Variants in SMOC2 observed in about 807,000 individuals in gnomAD.
The protein encoded by SMOC2 is SPARC-related modular calcium-binding protein 2.
In SMOC2, 39 loss-of-function variants were observed where a neutral mutation model predicts 61.4. The observed-to-expected ratio is 0.64, with a 90% CI of 0.49 to 0.83. The LOEUF (loss-of-function observed/expected upper bound fraction) is 0.83, where lower values mean the gene tolerates loss of function less well. Among genes scored for constraint, SMOC2 ranks in the 40% least tolerant of loss-of-function variants. SMOC2 has a pLI of 0.00. For missense variants in SMOC2, 556 were observed against 592.9 expected (o/e 0.94, Z 0.65); for synonymous variants, 247 against 239.9 (o/e 1.03, Z -0.27).
At chr6:168,468,764 C>T (rs554581379) in intron 1 of SMOC2, among the ~76,000 whole-genome samples, 12 of 152,212 alleles carry the variant, frequency 7.9e-5, no homozygotes, top group Admixed American at 5.9e-4. Flanking sequence ...AAACTCCTGA[C>T]CCCAGATGAT....
intron 1 of SMOC2, among the ~76,000 whole-genome samples, chr6:168,459,554 CCT>C (rs1781668002): frequency 7.2e-6 from 1 of 138,174 alleles, no homozygotes. Flanking sequence ...GTGGGTGAGC[CCT>C]GGGGTGGGTG....
At chr6:168,606,004 C>A (rs987662333) in intron 8 of SMOC2, among the ~76,000 whole-genome samples, 4 of 152,132 alleles carry the variant, frequency 2.6e-5, no homozygotes, top group Non-Finnish European at 5.9e-5. Flanking sequence ...GGTCTCAATT[C>A]GGCCCCTGAG....
intron 2 of SMOC2, among the ~76,000 whole-genome samples, chr6:168,516,885 T>C (rs1583072196): frequency 6.6e-6 from 1 of 152,002 alleles, no homozygotes; most frequent in Non-Finnish European, 1.5e-5. Flanking sequence ...ACCCGGGAGG[T>C]GGAGGTTGCA....
intron 7 of SMOC2, among the ~76,000 whole-genome samples, chr6:168,550,442 G>GT (rs1784105583): frequency 6.6e-6 from 1 of 152,176 alleles, no homozygotes; most frequent in Non-Finnish European, 1.5e-5. Context: ...CTTGAGGGAA[G>GT]TGCCTGAGTC....
intron 9 of SMOC2, among the ~76,000 whole-genome samples, chr6:168,642,079 A>G (rs1464911581): frequency 6.6e-6 from 1 of 152,182 alleles, no homozygotes; most frequent in Non-Finnish European, 1.5e-5. Flanking sequence ...TCATGAGCAA[A>G]TTTCATTGGA....
intron 9 of SMOC2, among the ~76,000 whole-genome samples, chr6:168,639,075 G>T (rs1313304178): frequency 6.6e-6 from 1 of 152,192 alleles, no homozygotes; most frequent in Non-Finnish European, 1.5e-5. Context: ...CCACAGGCTT[G>T]GTTCCGACAT....
intron 8 of SMOC2, among the ~76,000 whole-genome samples, chr6:168,607,869 T>TCCAACCCTGCAACGGGAGGAGGGGGAGG (rs1440562829): frequency 1.8e-4 from 10 of 56,716 alleles, no homozygotes; most frequent in East Asian, 5.7e-4. Context: ...TGTGGGTGCT[T>TCCAACCCTGCAACGGGAGGAGGGGGAGG]GGCAGCTGCT....
chr6:168,601,692 G>A lies in SMOC2; in HGVS notation c.824+2688G>A, dbSNP rs79781995. On this transcript the variant is annotated intron_variant, in intron 8 of 12. Transcript: ENST00000356284. ...CGCTGGCAGATGCTGTTTTACACACGCCAATGAAAATCTTTAAGCTGTCAA... is the reference window on the plus strand; with the variant it reads ...CGCTGGCAGATGCTGTTTTACACACACCAATGAAAATCTTTAAGCTGTCAA... Among the ~76,000 whole-genome samples, 998 of 152,210 alleles carry A rather than the reference G, an allele frequency of 6.6e-3. 11 individuals carry two copies. The highest frequency in any genetic ancestry group is 0.022 in the African/African-American group (929 of 41,522).
Position 168,599,024 on chromosome 6 carries a change from C to G in SMOC2, c.824+20C>G. Reference sequence around the variant, plus strand: ...CACAAGGTAAATAGGGTGCACCCACCCCCCCCGGGACCATGGGAGGCTTTG... The same window carrying G: ...CACAAGGTAAATAGGGTGCACCCACGCCCCCCGGGACCATGGGAGGCTTTG... On this transcript the variant is annotated intron_variant, in intron 8 of 12. Coordinates refer to ENST00000356284, the MANE Select transcript of SMOC2 (RefSeq NM_001166412.2). 3 of 1,557,384 alleles carry G rather than the reference C, an allele frequency of 1.9e-6. No homozygotes were observed. Among genetic ancestry groups the G allele is most frequent in the Non-Finnish European group, 2.6e-6 (3 of 1,149,888 alleles).
At chr6:168,558,387 ACTC>A (rs1255486975) in intron 7 of SMOC2, among the ~76,000 whole-genome samples, 1 of 150,952 alleles carries the variant, frequency 6.6e-6, no homozygotes, top group East Asian at 2.0e-4. Context: ...AGGTGTGCTC[ACTC>A]CTCCTCCTGC....
intron 11 of SMOC2, among the ~76,000 whole-genome samples, chr6:168,662,985 T>C (rs1342084464): frequency 6.6e-6 from 1 of 152,206 alleles, no homozygotes; most frequent in African/African-American, 2.4e-5. Context: ...GAGCTGCCTA[T>C]TGAATGAAAC....
chr6:168,513,909 A>C (rs570843859), intron 2 of SMOC2, among the ~76,000 whole-genome samples: 3 of 152,126 alleles, frequency 2.0e-5, no homozygotes, highest in Admixed American at 1.3e-4. Context: ...TTTCAATAGG[A>C]TCCCAGATGC....
At chr6:168,585,522 C>G (rs1437232162) in intron 7 of SMOC2, among the ~76,000 whole-genome samples, 1 of 152,186 alleles carries the variant, frequency 6.6e-6, no homozygotes, top group Non-Finnish European at 1.5e-5. Context: ...AGGTACTAGT[C>G]ATTGTACTAG....
intron 7 of SMOC2, among the ~76,000 whole-genome samples, chr6:168,556,348 ATTAGCT>A (rs1023154768): frequency 6.6e-6 from 1 of 151,980 alleles, no homozygotes; most frequent in Admixed American, 6.6e-5. Context: ...CCTTGGGATG[ATTAGCT>A]TTTAAGGGGA....
intron 2 of SMOC2, among the ~76,000 whole-genome samples, chr6:168,519,325 G>C (rs1783268429): frequency 6.6e-6 from 1 of 152,198 alleles, no homozygotes; most frequent in Admixed American, 6.5e-5. Context: ...TGGGCCAGGT[G>C]CTTATCCCTG....
chr6:168,648,960 G>A (rs893564594), intron 9 of SMOC2, among the ~76,000 whole-genome samples: 3 of 152,284 alleles, frequency 2.0e-5, no homozygotes, highest in Non-Finnish European at 2.9e-5. Flanking sequence ...CCACGCCAAC[G>A]TGCCCTTGAC....
intron 7 of SMOC2, among the ~76,000 whole-genome samples, chr6:168,596,216 C>T (rs12528078): frequency 2.3e-3 from 218 of 95,304 alleles, no homozygotes; most frequent in East Asian, 3.4e-3. Context: ...CATGAACAAG[C>T]GCCACGTGAA....
intron 9 of SMOC2, among the ~76,000 whole-genome samples, chr6:168,625,932 C>T (rs1786398180): frequency 6.6e-6 from 1 of 152,142 alleles, no homozygotes; most frequent in Non-Finnish European, 1.5e-5. Context: ...TGTTTGATCG[C>T]CTGGCAGGAG....
intron 9 of SMOC2, among the ~76,000 whole-genome samples, chr6:168,649,631 AC>A (rs999336433): frequency 1.3e-5 from 2 of 152,040 alleles, no homozygotes; most frequent in Admixed American, 6.6e-5. Flanking sequence ...ACACAAATAG[AC>A]CCAGTTGGAA....
Sources: allele counts gnomAD v4.1 joint callset (sites outside exome capture counted in the v4.1 genomes callset), GRCh38; gene constraint gnomAD v4.1.1; transcripts MANE v1.5; gene names NCBI Gene and HGNC (gene_info 2026-07-23, HGNC 2026-07-21).